Variants in FAF1 observed in about 807,000 individuals in gnomAD.
The protein encoded by FAF1 is FAS-associated factor 1.
Under a neutral mutation model 92.5 loss-of-function variants are expected in FAF1, and 25 were observed. The observed-to-expected ratio is 0.27, with a 90% CI of 0.20 to 0.38. The LOEUF (loss-of-function observed/expected upper bound fraction) is 0.38, where lower values mean the gene tolerates loss of function less well. FAF1 is among the 10% of genes least tolerant of loss of function. The pLI is 1.00. For missense variants in FAF1, 636 were observed against 793.3 expected, an observed-to-expected ratio of 0.80 and a Z score of 2.38; for synonymous variants, 234 against 273.2, an observed-to-expected ratio of 0.86 and a Z score of 1.42.
chr1:50,652,615 T>A (rs1212559502), intron 8 of FAF1, among the ~76,000 whole-genome samples: 1 of 152,210 alleles, frequency 6.6e-6, no homozygotes, highest in Admixed American at 6.5e-5. Context: ...TATGAAAATT[T>A]TCAAATATAT....
At chr1:50,942,305 A>G (rs552265027) in intron 1 of FAF1, among the ~76,000 whole-genome samples, 1 of 152,228 alleles carries the variant, frequency 6.6e-6, no homozygotes, top group South Asian at 2.1e-4. Context: ...GTTTGAGACC[A>G]GCCTGGGCAA....
intron 2 of FAF1, among the ~76,000 whole-genome samples, chr1:50,810,111 C>A (rs1662361831): frequency 6.6e-6 from 1 of 152,066 alleles, no homozygotes; most frequent in African/African-American, 2.4e-5. Context: ...CAAAATTAGC[C>A]AGGAGTGGTG....
intron 6 of FAF1, among the ~76,000 whole-genome samples, chr1:50,723,976 T>A (rs1409562586): frequency 1.3e-5 from 2 of 152,078 alleles, no homozygotes; most frequent in Non-Finnish European, 2.9e-5. Flanking sequence ...CTCGAACTCC[T>A]GACCTCAGGT....
chr1:50,709,433 T>C (rs999334782), intron 6 of FAF1, among the ~76,000 whole-genome samples: 1 of 152,232 alleles, frequency 6.6e-6, no homozygotes, highest in African/African-American at 2.4e-5. Context: ...GGTGATTCAA[T>C]TCAACTGTAT....
At chr1:50,618,361 G>T (rs1653025493) in intron 8 of FAF1, among the ~76,000 whole-genome samples, 1 of 150,886 alleles carries the variant, frequency 6.6e-6, no homozygotes, top group Admixed American at 6.6e-5. Flanking sequence ...GTTCACTCAG[G>T]AGTTATTCTG....
intron 2 of FAF1, among the ~76,000 whole-genome samples, chr1:50,813,094 A>G (rs1046468113): frequency 2.0e-5 from 3 of 152,126 alleles, no homozygotes; most frequent in Admixed American, 1.3e-4. Flanking sequence ...GAAGGTGAGG[A>G]CAGAAAACTA....
chr1:50,798,304 T>C (rs576014044), intron 3 of FAF1, among the ~76,000 whole-genome samples: 4 of 152,310 alleles, frequency 2.6e-5, no homozygotes, highest in African/African-American at 4.8e-5. Context: ...AATGAACAAA[T>C]TGTACACCTG....
intron 18 of FAF1, among the ~76,000 whole-genome samples, chr1:50,461,185 A>T (rs576771235): frequency 6.6e-6 from 1 of 152,302 alleles, no homozygotes; most frequent in East Asian, 1.9e-4. Context: ...AGCTCCCCAC[A>T]GCCTATAGAA....
At chr1:50,444,685 T>C (rs983429993) in intron 18 of FAF1, among the ~76,000 whole-genome samples, 1 of 152,240 alleles carries the variant, frequency 6.6e-6, no homozygotes, top group Non-Finnish European at 1.5e-5. Context: ...ACTATGTAGC[T>C]GGGAACCATG....
chr1:50,790,593 CTTT>C (rs953425723), intron 3 of FAF1, among the ~76,000 whole-genome samples: 2 of 145,478 alleles, frequency 1.4e-5, no homozygotes, highest in Non-Finnish European at 3.0e-5. Context: ...ATTGCCACTT[CTTT>C]TTTTTTTTAA....
At chr1:50,569,676 T>C (rs1225393014) in intron 12 of FAF1, among the ~76,000 whole-genome samples, 1 of 152,150 alleles carries the variant, frequency 6.6e-6, no homozygotes, top group Non-Finnish European at 1.5e-5. Flanking sequence ...ACAATGGCAA[T>C]GGCTAAATCT....
In FAF1 at chr1:50,729,030, C is replaced by CTA. The variant is rs1324027260; in HGVS notation, c.551+9831_551+9832dup. ...TCTATCTATCTATCTATCTATCTAT[C>CTA]TATCTATATATATATATATATATAT... On this transcript the variant is annotated intron_variant, in intron 6 of 18. Transcript: ENST00000396153. Among the ~76,000 whole-genome samples the CTA allele has an allele frequency of 9.7e-3, 718 of 74,236 alleles. 8 individuals are homozygous for CTA. The highest frequency in any genetic ancestry group is 0.026 in the Admixed American group (193 of 7,360). 48.7% of individuals were successfully genotyped at this position (74,236 alleles called of 152,430 possible).
At chr1:50,803,710 G>C (rs1662084933) in intron 2 of FAF1, among the ~76,000 whole-genome samples, 1 of 152,094 alleles carries the variant, frequency 6.6e-6, no homozygotes, top group African/African-American at 2.4e-5. Context: ...AAGATGGGGA[G>C]GGGATTCTAT....
chr1:50,522,376 C>T (rs929548113), intron 15 of FAF1, among the ~76,000 whole-genome samples: 1 of 152,162 alleles, frequency 6.6e-6, no homozygotes. Context: ...AGTTTCCTCT[C>T]TCCTCAGTAA....
chr1:50,692,656 T>C (rs1165386130), intron 7 of FAF1, among the ~76,000 whole-genome samples: 4 of 152,230 alleles, frequency 2.6e-5, no homozygotes, highest in South Asian at 2.1e-4. Flanking sequence ...TATTCATATA[T>C]ACCACATGAT....
chr1:50,792,157 G>A (rs889990828), intron 3 of FAF1, among the ~76,000 whole-genome samples: 4 of 152,024 alleles, frequency 2.6e-5, no homozygotes, highest in Admixed American at 6.6e-5. Flanking sequence ...CTTCTGACTC[G>A]GAGACTTAAA....
chr1:50,475,793 C>T (rs1382987970), intron 17 of FAF1, 114 bp from the exon 18 acceptor site: 2 of 640,854 alleles, frequency 3.1e-6, no homozygotes, highest in East Asian at 5.5e-5. Context: ...TGAAAAGTCA[C>T]TGCCCTATTT....
chr1:50,577,929 G>C (rs988294621), intron 12 of FAF1, among the ~76,000 whole-genome samples: 1 of 152,194 alleles, frequency 6.6e-6, no homozygotes, highest in Admixed American at 6.5e-5. Context: ...CAAAAAGAAC[G>C]ATGAGTACTC....
intron 9 of FAF1, among the ~76,000 whole-genome samples, chr1:50,592,447 G>A (rs2124065675): frequency 6.6e-6 from 1 of 152,110 alleles, no homozygotes; most frequent in East Asian, 1.9e-4. Flanking sequence ...TTAAACGGGG[G>A]CTCAGGAACA....
Sources: allele counts gnomAD v4.1 joint callset (sites outside exome capture counted in the v4.1 genomes callset), GRCh38; gene constraint gnomAD v4.1.1; transcripts MANE v1.5; gene names NCBI Gene and HGNC (gene_info 2026-07-23, HGNC 2026-07-21).